The following PDK3 variants were observed in gnomAD, a reference collection of about 807,000 sequenced individuals.
PDK3 encodes pyruvate dehydrogenase kinase 3.
Under a neutral mutation model 32.0 loss-of-function variants are expected in PDK3, and 12 were observed. The ratio of observed to expected loss-of-function variants is 0.37; its 90% confidence interval spans 0.24 to 0.61. The LOEUF (loss-of-function observed/expected upper bound fraction) is 0.61. Ranked by LOEUF, PDK3 falls within the 20% of genes least tolerant of loss-of-function variation. PDK3 has a pLI of 0.65. For missense variants in PDK3, 188 were observed against 316.9 expected (o/e 0.59, Z 3.09); for synonymous variants, 122 against 116.3 (o/e 1.05, Z -0.31).
exon 12 of PDK3, among the ~76,000 whole-genome samples, chrX:24,544,202 A>G (rs1000742277): frequency 9.0e-6 from 1 of 111,171 alleles, no homozygotes; most frequent in Non-Finnish European, 1.9e-5. Context: ...GTTGTCTGTG[A>G]GTGCCTTCCA....
At chrX:24,491,843 G>A (rs961505979) in intron 1 of PDK3, among the ~76,000 whole-genome samples, 1 of 110,837 alleles carries the variant, frequency 9.0e-6, no homozygotes, top group Non-Finnish European at 1.9e-5. Flanking sequence ...GGCTGAGGTG[G>A]CAGGATCACT....
intron 5 of PDK3, among the ~76,000 whole-genome samples, chrX:24,506,888 G>A (rs900834147): frequency 1.1e-4 from 10 of 88,092 alleles, no homozygotes; most frequent in South Asian, 7.1e-4. Flanking sequence ...TCAGCTCACC[G>A]CAAGCTCTGT....
At chrX:24,471,034 C>T (rs1291457941) in intron 1 of PDK3, among the ~76,000 whole-genome samples, 1 of 110,333 alleles carries the variant, frequency 9.1e-6, no homozygotes, top group Non-Finnish European at 1.9e-5. Flanking sequence ...AGGGGAACAT[C>T]ACACACCAGG....
Position 24,527,679 on chromosome X carries a change from A to G in PDK3, c.852+4A>G. 9.8e-7 allele frequency: 1 copy of G among 1,020,760 alleles called. No individual in the cohort carries two copies. The highest frequency in any genetic ancestry group is 1.4e-6 in the Non-Finnish European group (1 of 731,452). The allele number at this position is 1,020,760 out of a possible 1,213,427, so 84.1% of individuals were successfully genotyped here. On this transcript the variant is annotated splice_donor_region_variant and intron_variant, in intron 8 of 10. Transcript: ENST00000379162. Reference sequence around the variant, plus strand: ...TAAAGAAGACTTATCCATTAAGGTAACTGTTTTATGTGCATGTATACTTTA... The same window carrying G: ...TAAAGAAGACTTATCCATTAAGGTAGCTGTTTTATGTGCATGTATACTTTA...
chrX:24,534,691 G>A (rs1922733181), downstream of PDK3, among the ~76,000 whole-genome samples: 1 of 112,940 alleles, frequency 8.9e-6, no homozygotes, highest in Admixed American at 9.3e-5. Flanking sequence ...GCTCACGCCT[G>A]TAATCCCAAC....
intron 1 of PDK3, among the ~76,000 whole-genome samples, chrX:24,474,284 C>T (rs1008849008): frequency 5.4e-5 from 6 of 111,868 alleles, no homozygotes; most frequent in Non-Finnish European, 1.1e-4. Flanking sequence ...CTGCACAGAG[C>T]AGGTGCTCCA....
Position 24,531,688 on chromosome X carries a change from G to A in PDK3, c.995G>A (p.Arg332His), listed in dbSNP as rs368054026. 3.3e-6 allele frequency: 4 copies of A among 1,197,991 alleles called. No individual in the cohort carries two copies. Among genetic ancestry groups the A allele is most frequent in the African/African-American group, 3.5e-5 (2 of 56,976 alleles). The change falls in exon 10 of 11, where the codon CGT becomes CAT. Residue 332 changes from arginine to histidine, a missense_variant. Physicochemically the swap from Arg to His is conservative, Grantham distance 29. Coordinates refer to ENST00000379162, the MANE Select transcript of PDK3 (RefSeq NM_005391.5). ...TTTGGTTATGGTTTGCCAATTTCCC[G>A]TCTGTATGCTAGATATTTTCAAGGA... ...AGFGYGLPIS[R>H]LYARYFQGDL...
At chrX:24,533,807 A>G in intron 10 of PDK3, 122 bp from the exon 11 acceptor site, 1 of 757,528 alleles carries the variant, frequency 1.3e-6, no homozygotes, top group Non-Finnish European at 1.8e-6. Flanking sequence ...TGTAATTTTA[A>G]TATCATTTTG....
intron 9 of PDK3, among the ~76,000 whole-genome samples, chrX:24,530,185 T>TA (rs1054776315): frequency 1.8e-5 from 2 of 111,584 alleles, no homozygotes; most frequent in Admixed American, 1.9e-4. Context: ...GTCACTACTA[T>TA]AAATATCTCA....
intron 1 of PDK3, among the ~76,000 whole-genome samples, chrX:24,484,887 T>C (rs1319634820): frequency 1.8e-5 from 2 of 111,079 alleles, no homozygotes; most frequent in African/African-American, 6.6e-5. Context: ...GCTTTATGCT[T>C]TTTTGCTGAA....
chrX:24,481,135 C>T (rs1188934823), intron 1 of PDK3, among the ~76,000 whole-genome samples: 1 of 108,907 alleles, frequency 9.2e-6, no homozygotes, highest in Non-Finnish European at 1.9e-5. Context: ...GCTCCGCCTT[C>T]CGGGTTCACG....
intron 1 of PDK3, among the ~76,000 whole-genome samples, chrX:24,487,820 G>A (rs1932750835): frequency 9.1e-6 from 1 of 109,323 alleles, no homozygotes; most frequent in African/African-American, 3.3e-5. Context: ...CCAGACAGAG[G>A]AGACTCTACA....
chrX:24,494,289 G>T (rs969407192), intron 1 of PDK3, among the ~76,000 whole-genome samples: 1 of 112,234 alleles, frequency 8.9e-6, no homozygotes, highest in African/African-American at 3.2e-5. Context: ...AAACACACTG[G>T]AGGAAAATCT....
chrX:24,486,332 G>A (rs1404700069), intron 1 of PDK3, among the ~76,000 whole-genome samples: 1 of 111,420 alleles, frequency 9.0e-6, no homozygotes, highest in African/African-American at 3.3e-5. Flanking sequence ...TCCTAGTTGT[G>A]CAGTTGTCTG....
At chrX:24,523,871 C>T (rs1371178880) in intron 6 of PDK3, among the ~76,000 whole-genome samples, 3 of 111,657 alleles carry the variant, frequency 2.7e-5, no homozygotes, top group South Asian at 7.5e-4. Context: ...GGGATATGAA[C>T]GCCAGCTCCC....
chrX:24,535,410 C>G (rs1922748312), downstream of PDK3, among the ~76,000 whole-genome samples: 1 of 105,306 alleles, frequency 9.5e-6, no homozygotes, highest in Non-Finnish European at 1.9e-5. Flanking sequence ...GAGGCTGAAG[C>G]AGGAGAATTG....
rs541790944 is a variant in PDK3, at chrX:24,497,290, T to G, written c.249-1539T>G. 6.2e-4 allele frequency among the ~76,000 whole-genome samples: 69 copies of G among 111,389 alleles called. 1 individual carries two copies. The South Asian group carries it at 0.026, about 42-fold the overall frequency. On this transcript the variant is annotated intron_variant, in intron 2 of 10. Coordinates refer to ENST00000379162, the MANE Select transcript of PDK3 (RefSeq NM_005391.5). ...CCCAGAGACTTTTATTTATTTATTT[T>G]ATTTATTTTTTTGAGATGGAGTCTT...
intron 10 of PDK3, among the ~76,000 whole-genome samples, chrX:24,532,863 C>A (rs1012446507): frequency 5.4e-5 from 6 of 111,093 alleles, no homozygotes; most frequent in Non-Finnish European, 5.7e-5. Context: ...TAAACAGTGG[C>A]ATAACATGCC....
At chrX:24,548,709 A>G (rs1158011290) in exon 12 of PDK3, 1 of 112,286 alleles carries the variant, frequency 8.9e-6, no homozygotes, top group Non-Finnish European at 1.9e-5. Context: ...TAAAATATTC[A>G]TACCTTGAGA....
Sources: allele counts gnomAD v4.1 joint callset (sites outside exome capture counted in the v4.1 genomes callset), GRCh38; gene constraint gnomAD v4.1.1; transcripts MANE v1.5; gene names NCBI Gene and HGNC (gene_info 2026-07-23, HGNC 2026-07-21).